Variants in HECW1 observed in about 807,000 individuals in gnomAD.
HECW1 encodes HECT, C2 and WW domain containing E3 ubiquitin protein ligase 1, also known as E3 ubiquitin-protein ligase HECW1.
A neutral mutation model predicts 182.3 loss-of-function variants in HECW1; 61 were observed. The observed-to-expected ratio is 0.33, with a 90% CI of 0.27 to 0.41. HECW1 has a LOEUF of 0.41. Among genes scored for constraint, HECW1 ranks in the 10% least tolerant of loss-of-function variants. The probability of loss-of-function intolerance (pLI) is 1.00; values close to 1 mark genes in which losing one functional copy is unlikely to be tolerated. For missense variants in HECW1, 1,739 were observed against 2,108.9 expected (o/e 0.82, Z 3.44); for synonymous variants, 859 against 832.6 (o/e 1.03, Z -0.55).
At chr7:43,128,591 G>A (rs1047437850) in intron 2 of HECW1, among the ~76,000 whole-genome samples, 1 of 152,222 alleles carries the variant, frequency 6.6e-6, no homozygotes, top group South Asian at 2.1e-4. Context: ...TTTCATGCCT[G>A]CCAAGATAAC....
Position 43,252,920 on chromosome 7 carries a change from G to A in HECW1, c.27+8988G>A, listed in dbSNP as rs527605679. Among the ~76,000 whole-genome samples, 3 of 152,320 alleles carry A rather than the reference G, an allele frequency of 2.0e-5. No individual in the cohort carries two copies. The East Asian group carries it at 5.8e-4, about 29-fold the overall frequency. On this transcript the variant is annotated intron_variant, in intron 3 of 29. Transcript: ENST00000395891. ...TAACCACCAATCGAACAAGACAAAAGTGGTTAAGAGCTGACACGGGAGTCC... is the reference window on the plus strand; with the variant it reads ...TAACCACCAATCGAACAAGACAAAAATGGTTAAGAGCTGACACGGGAGTCC...
intron 29 of HECW1, among the ~76,000 whole-genome samples, chr7:43,561,205 C>G (rs1271918328): frequency 6.6e-6 from 1 of 152,198 alleles, no homozygotes; most frequent in Non-Finnish European, 1.5e-5. Flanking sequence ...AGCTAGAACC[C>G]CGGGCGCCAG....
intron 24 of HECW1, among the ~76,000 whole-genome samples, chr7:43,538,317 C>G (rs1204509353): frequency 6.6e-6 from 1 of 152,196 alleles, no homozygotes; most frequent in Non-Finnish European, 1.5e-5. Flanking sequence ...AACTGCATTC[C>G]TGACCCTGGA....
intron 3 of HECW1, among the ~76,000 whole-genome samples, chr7:43,248,137 G>A (rs1425143136): frequency 2.6e-5 from 4 of 151,876 alleles, no homozygotes; most frequent in Non-Finnish European, 4.4e-5. Flanking sequence ...GGTGAGGAGA[G>A]GAGAGAAAGA....
At chr7:43,149,346 A>G (rs1789052742) in intron 2 of HECW1, among the ~76,000 whole-genome samples, 1 of 152,216 alleles carries the variant, frequency 6.6e-6, no homozygotes, top group South Asian at 2.1e-4. Context: ...ACACAACCTC[A>G]GTCTAATCAT....
intron 8 of HECW1, among the ~76,000 whole-genome samples, chr7:43,420,388 A>T (rs2076141052): frequency 6.6e-6 from 1 of 152,234 alleles, no homozygotes; most frequent in Non-Finnish European, 1.5e-5. Flanking sequence ...AAATATTAAA[A>T]TATATTTCCT....
chr7:43,441,640 C>T (rs1482634552), intron 9 of HECW1, among the ~76,000 whole-genome samples: 1 of 152,198 alleles, frequency 6.6e-6, no homozygotes, highest in East Asian at 1.9e-4. Context: ...GCAAGGCCCA[C>T]AGTCCCTGTC....
chr7:43,505,388 C>T (rs776797474), intron 21 of HECW1, among the ~76,000 whole-genome samples: 1 of 152,176 alleles, frequency 6.6e-6, no homozygotes, highest in South Asian at 2.1e-4. Flanking sequence ...CTCTTTGAAT[C>T]CCCCTTGGTC....
chr7:43,557,664 G>T (rs1284655178), intron 29 of HECW1, among the ~76,000 whole-genome samples: 1 of 152,178 alleles, frequency 6.6e-6, no homozygotes, highest in Non-Finnish European at 1.5e-5. Flanking sequence ...GTCATAATAA[G>T]TTAGAAGTTC....
chr7:43,199,643 G>A (rs1022075439), intron 2 of HECW1, among the ~76,000 whole-genome samples: 2 of 151,964 alleles, frequency 1.3e-5, no homozygotes, highest in African/African-American at 2.4e-5. Context: ...TTTTATATAT[G>A]AGAAATATCT....
At chr7:43,460,765 C>T (rs957140175) in intron 13 of HECW1, among the ~76,000 whole-genome samples, 8 of 152,174 alleles carry the variant, frequency 5.3e-5, no homozygotes, top group African/African-American at 1.9e-4. Context: ...TGCAGTCCTG[C>T]CCTGAAAGAC....
intron 6 of HECW1, among the ~76,000 whole-genome samples, chr7:43,366,520 T>A (rs1816674575): frequency 6.6e-6 from 1 of 152,220 alleles, no homozygotes; most frequent in Non-Finnish European, 1.5e-5. Context: ...TTAGTAGCAT[T>A]AGTAGCAAAA....
At chr7:43,291,229 A>G (rs1805361091) in intron 3 of HECW1, among the ~76,000 whole-genome samples, 1 of 152,252 alleles carries the variant, frequency 6.6e-6, no homozygotes, top group African/African-American at 2.4e-5. Context: ...ACGAGAGTAC[A>G]CTGAACAAAG....
chr7:43,284,628 T>C (rs1040128804), intron 3 of HECW1, among the ~76,000 whole-genome samples: 1 of 151,910 alleles, frequency 6.6e-6, no homozygotes, highest in African/African-American at 2.4e-5. Flanking sequence ...TGTTGTACAA[T>C]AGATCACTTG....
chr7:43,394,123 G>A lies in HECW1; in HGVS notation c.556-2691G>A, dbSNP rs6976862. ...TGTGAGGAGGGGTGGTCAGCATGTG[G>A]AGGTCTCCCACAGCCATGTCCAGGC... is the stretch of plus-strand genomic sequence containing the variant. On this transcript the variant is annotated intron_variant, in intron 6 of 29. Coordinates refer to ENST00000395891, the MANE Select transcript of HECW1 (RefSeq NM_015052.5). Among the ~76,000 whole-genome samples the A allele has an allele frequency of 4.7e-3, 721 of 152,246 alleles. 5 individuals carry two copies. The highest frequency in any genetic ancestry group is 0.02 in the East Asian group (103 of 5,174).
chr7:43,240,226 T>C (rs1798753891), intron 2 of HECW1, among the ~76,000 whole-genome samples: 1 of 152,058 alleles, frequency 6.6e-6, no homozygotes, highest in Admixed American at 6.6e-5. Context: ...TAGTCCTAGC[T>C]ACTCGGGAGG....
intron 19 of HECW1, 126 bp downstream of exon 19, chr7:43,493,306 C>A: frequency 1.7e-6 from 1 of 597,066 alleles, no homozygotes; most frequent in East Asian, 2.9e-5. Flanking sequence ...TAAATGAGAA[C>A]TTGAATCCTC....
In HECW1 at chr7:43,466,520, C is replaced by G. The variant is rs760165109; in HGVS notation, c.2865C>G (p.Val955=). 3 of 1,613,422 alleles carry G rather than the reference C, an allele frequency of 1.9e-6. No individual in the cohort carries two copies. The highest frequency in any genetic ancestry group is 2.5e-6 in the Non-Finnish European group (3 of 1,179,686). ...CCTTGCTGCTGCAGTCCCCAGCGGT[C>G]AAGTTCATCACCAACCCCGAGTTCT... The part of the protein sequence containing the change: ...KITLLLQSPA[V]KFITNPEFFT... Residue 955 remains valine (V), a synonymous_variant, in exon 15 of 30, where the codon GTC becomes GTG. Coordinates refer to ENST00000395891, the MANE Select transcript of HECW1 (RefSeq NM_015052.5).
chr7:43,328,322 C>CA (rs1023743477), intron 5 of HECW1, among the ~76,000 whole-genome samples: 5 of 151,274 alleles, frequency 3.3e-5, no homozygotes, highest in Admixed American at 6.6e-5. Context: ...AAACAAAAAA[C>CA]AAAAAAAACA....
Sources: allele counts gnomAD v4.1 joint callset (sites outside exome capture counted in the v4.1 genomes callset), GRCh38; gene constraint gnomAD v4.1.1; transcripts MANE v1.5; gene names NCBI Gene and HGNC (gene_info 2026-07-23, HGNC 2026-07-21).